EPHA7: variants seen among roughly 807,000 people sequenced by gnomAD.
The protein encoded by EPHA7 is EPH receptor A7, also known as ephrin type-A receptor 7.
A neutral mutation model predicts 112.6 loss-of-function variants in EPHA7; 25 were observed. The observed-to-expected ratio is 0.22, with a 90% CI of 0.16 to 0.31. The LOEUF is 0.31. EPHA7 is among the 10% of genes least tolerant of loss of function. The pLI is 1.00. For missense variants in EPHA7, 962 were observed against 1,212.6 expected (o/e 0.79, Z 3.07); for synonymous variants, 437 against 406.5 (o/e 1.07, Z -0.90).
intron 5 of EPHA7, among the ~76,000 whole-genome samples, chr6:93,335,071 G>A (rs146751792): frequency 6.6e-4 from 100 of 151,990 alleles, no homozygotes; most frequent in Admixed American, 1.3e-3. Context: ...TATCACCTTC[G>A]GCAATTTGTT....
Position 93,341,134 on chromosome 6 carries a change from A to C in EPHA7, c.1324+15583T>G, listed in dbSNP as rs141842953. ...CTGCCTTCTCTTCTGCAAATCAGACAATCTATAGCTTAAAATAATGGCAGA... is the reference window on the plus strand; with the variant it reads ...CTGCCTTCTCTTCTGCAAATCAGACCATCTATAGCTTAAAATAATGGCAGA... On this transcript the variant is annotated intron_variant, in intron 5 of 16. Transcript: ENST00000369303. 3.0e-3 allele frequency among the ~76,000 whole-genome samples: 459 copies of C among 152,058 alleles called. 2 individuals are homozygous for C. The highest frequency in any genetic ancestry group is 0.011 in the African/African-American group (437 of 41,530).
chr6:93,257,347 T>G (rs1770484384), intron 12 of EPHA7, 115 bp downstream of exon 12: 2 of 680,006 alleles, frequency 2.9e-6, no homozygotes, highest in East Asian at 5.5e-5. Context: ...AAGACAATCT[T>G]CTAACCTCTT....
intron 3 of EPHA7, among the ~76,000 whole-genome samples, chr6:93,369,201 CA>C: frequency 6.6e-6 from 1 of 151,760 alleles, no homozygotes; most frequent in South Asian, 2.1e-4. Context: ...CACACACACA[CA>C]CACACACACA....
intron 5 of EPHA7, among the ~76,000 whole-genome samples, chr6:93,347,782 A>G (rs1775474489): frequency 6.6e-6 from 1 of 151,734 alleles, no homozygotes; most frequent in South Asian, 2.1e-4. Context: ...TGTGTGGAGG[A>G]AAGTATACAG....
intron 5 of EPHA7, among the ~76,000 whole-genome samples, chr6:93,338,637 A>C (rs1365281841): frequency 6.6e-6 from 1 of 152,008 alleles, no homozygotes; most frequent in Non-Finnish European, 1.5e-5. Context: ...CGAAACAATA[A>C]AATGGTTATT....
intron 5 of EPHA7, among the ~76,000 whole-genome samples, chr6:93,285,080 A>AG (rs1771996297): frequency 6.6e-6 from 1 of 152,234 alleles, no homozygotes; most frequent in Non-Finnish European, 1.5e-5. Context: ...GCATAAACTT[A>AG]AGAAATTCAT....
intron 2 of EPHA7, among the ~76,000 whole-genome samples, chr6:93,413,778 C>A (rs1397186656): frequency 6.6e-6 from 1 of 151,826 alleles, no homozygotes; most frequent in Non-Finnish European, 1.5e-5. Flanking sequence ...CTTTCAGTTC[C>A]TGACATGCTG....
intron 5 of EPHA7, among the ~76,000 whole-genome samples, chr6:93,349,447 A>G (rs1400344146): frequency 6.6e-6 from 1 of 151,916 alleles, no homozygotes; most frequent in Non-Finnish European, 1.5e-5. Context: ...GCATATTTTG[A>G]ACAGTTTACT....
Position 93,241,888 on chromosome 6 carries a change from ATTTG to A in EPHA7, c.*1534_*1537del, listed in dbSNP as rs758870634. 1.3e-3 allele frequency: 288 copies of A among 217,562 alleles called. 1 individual carries two copies. Among genetic ancestry groups the A allele is most frequent in the African/African-American group, 5.7e-3 (248 of 43,838 alleles). The allele number at this position is 217,562 out of a possible 1,614,324, so 13.5% of individuals were successfully genotyped here. On this transcript the variant is annotated 3_prime_UTR_variant, in exon 17 of 17. Transcript: ENST00000369303. ...AACATTTACAGATTTTGTTTCTGTT[ATTTG>A]TTTGTTTGTTTGTGGATGCCCACAT...
intron 9 of EPHA7, 144 bp from the exon 10 acceptor site, chr6:93,259,623 C>G: frequency 1.1e-6 from 1 of 890,314 alleles, no homozygotes; most frequent in Non-Finnish European, 1.8e-6. Flanking sequence ...TAACAGACTA[C>G]TTCAGTCTGC....
chr6:93,312,969 G>A (rs1773617705), intron 5 of EPHA7, among the ~76,000 whole-genome samples: 1 of 152,092 alleles, frequency 6.6e-6, no homozygotes, highest in African/African-American at 2.4e-5. Flanking sequence ...CTATCTTATA[G>A]TCTTCTACAG....
At chr6:93,331,391 C>T (rs16871170) in intron 5 of EPHA7, among the ~76,000 whole-genome samples, 8,261 of 150,992 alleles carry the variant, frequency 0.055, 307 homozygotes, top group East Asian at 0.16. Flanking sequence ...TTTCCAAATT[C>T]TGCAACTCCT....
intron 5 of EPHA7, among the ~76,000 whole-genome samples, chr6:93,281,756 C>T (rs1340038385): frequency 6.6e-6 from 1 of 152,038 alleles, no homozygotes; most frequent in East Asian, 1.9e-4. Context: ...CAATTTTTGA[C>T]ATGATAACAT....
chr6:93,312,041 A>G (rs1390410521), intron 5 of EPHA7, among the ~76,000 whole-genome samples: 1 of 152,198 alleles, frequency 6.6e-6, no homozygotes, highest in African/African-American at 2.4e-5. Flanking sequence ...GCTGTTATCA[A>G]GGCTTCATTG....
rs1026750514 is a variant in EPHA7, at chr6:93,338,561, T to C, written c.1324+18156A>G. ...TATAAATAGGCTTAAATTTCAAAAA[T>C]AGATGTTCACAAATGTTTAAAATTT... On this transcript the variant is annotated intron_variant, in intron 5 of 16. Transcript: ENST00000369303. 2.0e-5 allele frequency among the ~76,000 whole-genome samples: 3 copies of C among 151,990 alleles called. No homozygotes were observed. In the Admixed American group the frequency reaches 2.0e-4, roughly 10 times the overall value.
chr6:93,304,918 G>A (rs1773175056), intron 5 of EPHA7, among the ~76,000 whole-genome samples: 1 of 151,838 alleles, frequency 6.6e-6, no homozygotes, highest in Non-Finnish European at 1.5e-5. Context: ...TCTACATTAT[G>A]AAATATCACC....
At chr6:93,376,773 A>C (rs1366033137) in intron 3 of EPHA7, among the ~76,000 whole-genome samples, 2 of 152,182 alleles carry the variant, frequency 1.3e-5, no homozygotes, top group African/African-American at 4.8e-5. Flanking sequence ...GGGCAGACTC[A>C]GGTGCTTTCT....
At chr6:93,283,298 C>G (rs1403783656) in intron 5 of EPHA7, among the ~76,000 whole-genome samples, 2 of 152,126 alleles carry the variant, frequency 1.3e-5, no homozygotes, top group Non-Finnish European at 2.9e-5. Flanking sequence ...AATCAGCACC[C>G]TGTCAAAACA....
chr6:93,378,006 A>G (rs1777147574), intron 3 of EPHA7, among the ~76,000 whole-genome samples: 1 of 150,646 alleles, frequency 6.6e-6, no homozygotes, highest in Non-Finnish European at 1.5e-5. Context: ...AAACCATTCT[A>G]ATAAAGCATT....
Sources: gnomAD v4.1 joint callset for allele counts (sites outside exome capture counted in the v4.1 genomes callset) on GRCh38, gnomAD v4.1.1 for gene constraint, MANE v1.5 for transcripts, NCBI Gene and HGNC (gene_info 2026-07-23, HGNC 2026-07-21) for gene names.